The following ADGRV1 variants were observed in gnomAD, a reference collection of about 807,000 sequenced individuals.
ADGRV1 encodes the protein adhesion G protein-coupled receptor V1.
Under a neutral mutation model 596.2 loss-of-function variants are expected in ADGRV1, and 359 were observed. That is an observed-to-expected ratio of 0.60 (90% CI 0.55 to 0.66). The LOEUF (loss-of-function observed/expected upper bound fraction) is 0.66, where lower values mean the gene tolerates loss of function less well. Ranked by LOEUF, ADGRV1 falls within the 30% of genes least tolerant of loss-of-function variation. The probability of loss-of-function intolerance (pLI) is 0.00; values close to 1 mark genes in which losing one functional copy is unlikely to be tolerated. For synonymous variants in ADGRV1, 2,681 were observed against 2,679.2 expected (o/e 1.00, Z -0.02); for missense variants, 7,274 against 7,575.6 (o/e 0.96, Z 1.48).
At chr5:91,000,782 C>G (rs1039308859) in intron 85 of ADGRV1, among the ~76,000 whole-genome samples, 1 of 150,902 alleles carries the variant, frequency 6.6e-6, no homozygotes, top group African/African-American at 2.4e-5. Context: ...GGTGAGTTGG[C>G]AAGCTGGAAA....
chr5:91,088,599 T>C (rs1790095508), intron 86 of ADGRV1, among the ~76,000 whole-genome samples: 1 of 152,102 alleles, frequency 6.6e-6, no homozygotes, highest in Non-Finnish European at 1.5e-5. Context: ...GTCAAACTCA[T>C]AGTACCCAGA....
At chr5:90,740,334 G>A (rs1247571104) in intron 50 of ADGRV1, among the ~76,000 whole-genome samples, 1 of 152,190 alleles carries the variant, frequency 6.6e-6, no homozygotes, top group Non-Finnish European at 1.5e-5. Flanking sequence ...GATGACAAAT[G>A]TACCCCTGCC....
rs1347442654 is a variant in ADGRV1, at chr5:90,716,508, C to G, written c.9226C>G (p.Leu3076Val). The change falls in exon 43 of 90, where the codon CTA becomes GTA. Residue 3076 changes from leucine to valine, a missense_variant. Transcript: ENST00000405460. ...TGCTAATGATGACGGCCCTGGAGTT[C>G]TATCATTTAACAACAGTGAGCACTT... is the stretch of plus-strand genomic sequence containing the variant. The part of the protein sequence containing the change: ...VLANDDGPGV[L>V]SFNNSEHFFL... 2.5e-6 allele frequency: 4 copies of G among 1,607,694 alleles called. No homozygotes were observed. The highest frequency in any genetic ancestry group is 3.4e-6 in the Non-Finnish European group (4 of 1,176,146).
chr5:90,629,471 C>A lies in ADGRV1; in HGVS notation c.1771C>A (p.Gln591Lys). The A allele has an allele frequency of 6.2e-7, 1 of 1,613,500 alleles. No individual in the cohort carries two copies. The highest frequency in any genetic ancestry group is 1.1e-5 in the South Asian group (1 of 91,030). Reference sequence around the variant, plus strand: ...CCTCATTTTTCCAGAGCAAAAAACTCAAGTCACTACAAAATTACCAATAAG... The same window carrying A: ...CCTCATTTTTCCAGAGCAAAAAACTAAAGTCACTACAAAATTACCAATAAG... ...NDLIFPEQKT[Q>K]VTTKLPIRND... is the part of the protein sequence containing the mutation. Residue 591 changes from glutamine (Q) to lysine (K), a missense_variant, in exon 9 of 90, where the codon CAA becomes AAA. By Grantham distance (53) the Gln-to-Lys change is moderately conservative. Coordinates refer to ENST00000405460, the MANE Select transcript of ADGRV1 (RefSeq NM_032119.4).
chr5:90,603,597 G>A (rs1002886740), intron 1 of ADGRV1, among the ~76,000 whole-genome samples: 4 of 152,080 alleles, frequency 2.6e-5, no homozygotes, highest in Admixed American at 1.3e-4. Flanking sequence ...GAAACTCAAG[G>A]CCATGTGAAG....
chr5:90,984,564 T>G (rs1780333160), intron 84 of ADGRV1, among the ~76,000 whole-genome samples: 1 of 152,172 alleles, frequency 6.6e-6, no homozygotes, highest in Admixed American at 6.6e-5. Context: ...ATATAAGATG[T>G]GATGTAAATA....
chr5:90,855,091 G>T (rs760950187), intron 81 of ADGRV1, among the ~76,000 whole-genome samples: 24 of 152,138 alleles, frequency 1.6e-4, no homozygotes, highest in Non-Finnish European at 2.8e-4. Flanking sequence ...GAAATTAAGA[G>T]GCATTTTAAG....
At chr5:90,645,254 A>G (rs954816321) in intron 15 of ADGRV1, among the ~76,000 whole-genome samples, 1 of 152,212 alleles carries the variant, frequency 6.6e-6, no homozygotes, top group Non-Finnish European at 1.5e-5. Flanking sequence ...TTCTTCTTAC[A>G]GATAGTAAAG....
chr5:91,101,768 AACAC>A (rs10592473), intron 86 of ADGRV1, among the ~76,000 whole-genome samples: 18,744 of 151,800 alleles, frequency 0.12, 1,296 homozygotes, highest in African/African-American at 0.2. Context: ...AGGTTTTTCC[AACAC>A]ACACACACGT....
chr5:90,868,467 G>A (rs953851917), intron 83 of ADGRV1, among the ~76,000 whole-genome samples: 1 of 151,824 alleles, frequency 6.6e-6, no homozygotes, highest in Non-Finnish European at 1.5e-5. Context: ...TATGAACAAG[G>A]CCTTTATTCT....
chr5:90,828,944 G>A lies in ADGRV1; in HGVS notation c.16369G>A (p.Val5457Ile), dbSNP rs765496324. 25 of 1,563,426 alleles carry A rather than the reference G, an allele frequency of 1.6e-5. No homozygotes were observed. In the African/African-American group the frequency reaches 2.0e-4, roughly 13 times the overall value. The change falls in exon 77 of 90, where the codon GTA becomes ATA. Residue 5457 changes from valine to isoleucine, a missense_variant and splice_region_variant. Transcript: ENST00000405460. ...TTTTTTTCCTTTTTCTCATTGTCAG[G>A]TACCACAGGTTGAAGTGTATTTTTT... ...FISIELKPEKVPQVEVYFFVE... is the reference protein window; with the variant it reads ...FISIELKPEKIPQVEVYFFVE...
At chr5:91,045,538 T>C (rs1170771858) in intron 85 of ADGRV1, among the ~76,000 whole-genome samples, 1 of 152,096 alleles carries the variant, frequency 6.6e-6, no homozygotes, top group African/African-American at 2.4e-5. Flanking sequence ...GGGACATACC[T>C]CAAGGTAATA....
chr5:90,868,083 A>C (rs1768300983), intron 83 of ADGRV1, among the ~76,000 whole-genome samples: 1 of 152,120 alleles, frequency 6.6e-6, no homozygotes, highest in Non-Finnish European at 1.5e-5. Flanking sequence ...CATCTTGTTA[A>C]AATTCAGGTA....
At chr5:91,152,390 A>G (rs1437390167) in intron 88 of ADGRV1, among the ~76,000 whole-genome samples, 1 of 152,204 alleles carries the variant, frequency 6.6e-6, no homozygotes, top group African/African-American at 2.4e-5. Context: ...TATATTTAAA[A>G]TCCTATGTGG....
Position 90,999,984 on chromosome 5 carries a change from T to C in ADGRV1, c.18152+14462T>C, listed in dbSNP as rs183446028. On this transcript the variant is annotated intron_variant, in intron 85 of 89. Transcript: ENST00000405460. The stretch of plus-strand genomic sequence containing the variant: ...GAAGCAAGGATCTGCCTACTCTTTC[T>C]TTTTCTGAAAATAATGTTATATTTT... Among the ~76,000 whole-genome samples the C allele has an allele frequency of 3.3e-5, 5 of 152,234 alleles. No homozygotes were observed. In the East Asian group the frequency reaches 9.6e-4, roughly 29 times the overall value.
chr5:90,597,847 A>G (rs1272319956), intron 1 of ADGRV1, among the ~76,000 whole-genome samples: 5 of 152,192 alleles, frequency 3.3e-5, no homozygotes, highest in Non-Finnish European at 7.4e-5. Flanking sequence ...AGAGAAGAGT[A>G]TGCATGTTCC....
chr5:90,880,910 A>G (rs1260714889), intron 83 of ADGRV1, among the ~76,000 whole-genome samples: 1 of 152,160 alleles, frequency 6.6e-6, no homozygotes, highest in Non-Finnish European at 1.5e-5. Context: ...GAGTTTTCCT[A>G]TGTAGTCCAT....
intron 89 of ADGRV1, among the ~76,000 whole-genome samples, chr5:91,154,085 T>C (rs1264096320): frequency 6.6e-6 from 1 of 152,192 alleles, no homozygotes; most frequent in Non-Finnish European, 1.5e-5. Flanking sequence ...AATATAAACA[T>C]AGTGGATATT....
intron 77 of ADGRV1, among the ~76,000 whole-genome samples, chr5:90,835,684 A>C (rs995645417): frequency 6.6e-6 from 1 of 152,230 alleles, no homozygotes; most frequent in Non-Finnish European, 1.5e-5. Context: ...CATGGGTCCC[A>C]GGTGGAAATG....
Sources: allele counts gnomAD v4.1 joint callset (sites outside exome capture counted in the v4.1 genomes callset), GRCh38; gene constraint gnomAD v4.1.1; transcripts MANE v1.5; gene names NCBI Gene and HGNC (gene_info 2026-07-23, HGNC 2026-07-21).